Variants in CCDC171 observed in about 807,000 individuals in gnomAD.
CCDC171 encodes coiled-coil domain-containing protein 171.
Under a neutral mutation model 168.2 loss-of-function variants are expected in CCDC171, and 177 were observed. The observed-to-expected ratio is 1.05, with a 90% confidence interval of 0.93 to 1.19. CCDC171 has a LOEUF of 1.19. Among genes scored for constraint, CCDC171 ranks in the 50% most tolerant of loss-of-function variants. CCDC171 has a pLI of 0.00. For synonymous variants in CCDC171, 687 were observed against 540.8 expected (o/e 1.27, Z -3.75); for missense variants, 1,991 against 1,539.0 (o/e 1.29, Z -4.91).
intron 3 of CCDC171, among the ~76,000 whole-genome samples, chr9:15,989,813 G>A (rs886335276): frequency 6.6e-6 from 1 of 152,170 alleles, no homozygotes; most frequent in Non-Finnish European, 1.5e-5. Context: ...CTGTCAACTG[G>A]AGGAAAGGGT....
intron 10 of CCDC171, among the ~76,000 whole-genome samples, chr9:15,679,309 C>T (rs1241957842): frequency 6.6e-6 from 1 of 152,140 alleles, no homozygotes; most frequent in Non-Finnish European, 1.5e-5. Context: ...AGCTTTTACA[C>T]CATCACCAAG....
At chr9:16,080,293 T>C in the CCDC171 span, among the ~76,000 whole-genome samples, 8 of 152,296 alleles carry the variant, frequency 5.3e-5, no homozygotes, top group South Asian at 1.7e-3. Flanking sequence ...CGCTAATCAT[T>C]TTATTGGTTT....
the CCDC171 span, among the ~76,000 whole-genome samples, chr9:16,084,466 A>C: frequency 3.3e-5 from 5 of 152,330 alleles, no homozygotes; most frequent in East Asian, 7.7e-4. Flanking sequence ...GCTTGAGAGC[A>C]ACAACAGTAG....
At chr9:15,560,214 G>T (rs1483583894) in intron 1 of CCDC171, among the ~76,000 whole-genome samples, 1 of 151,922 alleles carries the variant, frequency 6.6e-6, no homozygotes. Context: ...TCTTGGAGTT[G>T]CTCTTCTTGT....
chr9:15,963,628 A>G (rs1174921988), intron 25 of CCDC171, among the ~76,000 whole-genome samples: 1 of 152,196 alleles, frequency 6.6e-6, no homozygotes, highest in Non-Finnish European at 1.5e-5. Flanking sequence ...ATGAAAAGTC[A>G]TCTTTAATTG....
intron 25 of CCDC171, among the ~76,000 whole-genome samples, chr9:15,956,969 C>A (rs945234660): frequency 1.3e-5 from 2 of 150,432 alleles, no homozygotes; most frequent in African/African-American, 4.9e-5. Context: ...AAAATCAAAT[C>A]TTTTCTCTCA....
At chr9:16,073,922 C>T in the CCDC171 span, among the ~76,000 whole-genome samples, 1 of 152,194 alleles carries the variant, frequency 6.6e-6, no homozygotes, top group Non-Finnish European at 1.5e-5. Context: ...ACTTAACCTT[C>T]TTGTCTTTGG....
chr9:15,623,792 T>C (rs1345778819), intron 7 of CCDC171, among the ~76,000 whole-genome samples: 1 of 152,222 alleles, frequency 6.6e-6, no homozygotes, highest in Non-Finnish European at 1.5e-5. Flanking sequence ...AAAGTAATTT[T>C]ACATTTTAAT....
chr9:15,946,586 C>T lies in CCDC171; in HGVS notation c.3754-25023C>T, dbSNP rs895384544. ...GGAAGAATCAATATCGTGAAAATGGCCATACTGCCCAAGGTAATTTCTACA... is the reference window on the plus strand; with the variant it reads ...GGAAGAATCAATATCGTGAAAATGGTCATACTGCCCAAGGTAATTTCTACA... On this transcript the variant is annotated intron_variant, in intron 25 of 25. Transcript: ENST00000380701. Among the ~76,000 whole-genome samples, 5 of 151,978 alleles carry T rather than the reference C, an allele frequency of 3.3e-5. No individual in the cohort carries two copies. In the East Asian group the frequency reaches 7.8e-4, roughly 24 times the overall value.
chr9:15,911,499 C>G (rs1364315547), intron 24 of CCDC171, among the ~76,000 whole-genome samples: 1 of 152,144 alleles, frequency 6.6e-6, no homozygotes, highest in African/African-American at 2.4e-5. Context: ...TGTAGGTTGC[C>G]TGTTCACTCT....
At chr9:16,043,563 C>A (rs1383019433) in intron 1 of CCDC171, among the ~76,000 whole-genome samples, 1 of 152,162 alleles carries the variant, frequency 6.6e-6, no homozygotes, top group Admixed American at 6.5e-5. Flanking sequence ...GGTTCTTTTA[C>A]ACCTGCATGA....
At chr9:15,893,045 G>T (rs958111263) in intron 24 of CCDC171, among the ~76,000 whole-genome samples, 2 of 152,048 alleles carry the variant, frequency 1.3e-5, no homozygotes, top group Admixed American at 6.6e-5. Context: ...ATATTACAAG[G>T]CTACAGTAAT....
chr9:15,584,161 C>T (rs770766150), intron 4 of CCDC171, among the ~76,000 whole-genome samples: 1 of 152,192 alleles, frequency 6.6e-6, no homozygotes, highest in African/African-American at 2.4e-5. Flanking sequence ...GCCACCGTGC[C>T]CGGCATGTTA....
chr9:15,599,991 A>G (rs1453200975), intron 6 of CCDC171, among the ~76,000 whole-genome samples: 1 of 151,802 alleles, frequency 6.6e-6, no homozygotes, highest in South Asian at 2.1e-4. Flanking sequence ...CATGGTTTTC[A>G]GCTCCGTCAG....
At chr9:15,944,389 A>G (rs1490353003) in intron 25 of CCDC171, among the ~76,000 whole-genome samples, 1 of 151,996 alleles carries the variant, frequency 6.6e-6, no homozygotes, top group Non-Finnish European at 1.5e-5. Flanking sequence ...TTTGAGCCAG[A>G]GGGTTGCTAA....
intron 1 of CCDC171, among the ~76,000 whole-genome samples, chr9:16,055,532 C>T (rs949647912): frequency 2.6e-5 from 4 of 152,198 alleles, no homozygotes; most frequent in South Asian, 2.1e-4. Context: ...TTCATGTCCA[C>T]TGCCCCCTCA....
chr9:15,972,324 T>G lies in CCDC171; in HGVS notation c.*488T>G. The stretch of plus-strand genomic sequence containing the variant: ...AGCTCAACTGAAGACAAGCATTTAG[T>G]TGCAAACTTTAAGCAGGTTGTGCAA... On this transcript the variant is annotated 3_prime_UTR_variant, in exon 26 of 26. Coordinates refer to ENST00000380701, the MANE Select transcript of CCDC171 (RefSeq NM_173550.4). 1 of 158,868 alleles carries G rather than the reference T, an allele frequency of 6.3e-6. No individual in the cohort carries two copies. Among genetic ancestry groups the G allele is most frequent in the Non-Finnish European group, 1.4e-5 (1 of 72,682 alleles). The allele number at this position is 158,868 out of a possible 1,614,324, so 9.8% of individuals were successfully genotyped here. A position where few individuals can be genotyped will look rare whatever the true frequency, so the allele number is the denominator to read the frequency against.
intron 25 of CCDC171, among the ~76,000 whole-genome samples, chr9:15,962,411 A>G (rs976978424): frequency 6.6e-6 from 1 of 152,164 alleles, no homozygotes; most frequent in African/African-American, 2.4e-5. Flanking sequence ...TCATAAATGG[A>G]ATTGTTGGAT....
At chr9:15,616,587 TA>T (rs1483089360) in intron 6 of CCDC171, among the ~76,000 whole-genome samples, 1 of 152,210 alleles carries the variant, frequency 6.6e-6, no homozygotes, top group Non-Finnish European at 1.5e-5. Flanking sequence ...TTATTTACTT[TA>T]AAGTAGACAA....
Sources: gnomAD v4.1 joint callset for allele counts (sites outside exome capture counted in the v4.1 genomes callset) on GRCh38, gnomAD v4.1.1 for gene constraint, MANE v1.5 for transcripts, NCBI Gene and HGNC (gene_info 2026-07-23, HGNC 2026-07-21) for gene names.